The following AAGAB variants were observed in gnomAD, a reference collection of about 807,000 sequenced individuals.
AAGAB encodes alpha- and gamma-adaptin-binding protein p34.
AAGAB carries 38 observed loss-of-function variants against 44.1 expected under a neutral mutation model. That is an observed-to-expected ratio of 0.86 (90% CI 0.67 to 1.13). The LOEUF (loss-of-function observed/expected upper bound fraction) is 1.13. Ranked by LOEUF, AAGAB falls within the 50% of genes most tolerant of loss-of-function variation. The pLI, the probability that AAGAB is intolerant of heterozygous loss-of-function variation, is 0.00. For synonymous variants in AAGAB, 131 were observed against 131.8 expected (o/e 0.99, Z 0.04); for missense variants, 450 against 373.8 (o/e 1.20, Z -1.68).
intron 5 of AAGAB, among the ~76,000 whole-genome samples, chr15:67,223,112 T>A (rs1342452349): frequency 6.6e-6 from 1 of 152,236 alleles, no homozygotes; most frequent in African/African-American, 2.4e-5. Flanking sequence ...TCTCCTTTAC[T>A]GGTTCCTTCT....
At chr15:67,208,735 T>G in intron 6 of AAGAB, 77 bp from the exon 7 acceptor site, 2 of 1,302,712 alleles carry the variant, frequency 1.5e-6, no homozygotes, top group Non-Finnish European at 2.2e-6. Flanking sequence ...GCTCACACTT[T>G]CAGTCCTTGG....
At chr15:67,203,438 G>T in intron 9 of AAGAB, 110 bp downstream of exon 9, 1 of 920,474 alleles carries the variant, frequency 1.1e-6, no homozygotes, top group South Asian at 1.6e-5. Context: ...AATATTCAAT[G>T]AAAAGCTCAC....
rs760969944 is a variant in AAGAB at position 67,200,948 on chromosome 15, C to A, written c.*1873G>T. ...CCACTATTCACTATATATGTCTAAT[C>A]CAATGAAGGATATAGGGCTTCCCTC... is the stretch of plus-strand genomic sequence containing the variant. On this transcript the variant is annotated 3_prime_UTR_variant, in exon 10 of 10. Transcript: ENST00000261880. The A allele has an allele frequency of 6.6e-6, 1 of 152,310 alleles. No homozygotes were observed. The highest frequency in any genetic ancestry group is 2.4e-5 in the African/African-American group (1 of 41,432). 9.4% of individuals were successfully genotyped at this position (152,310 alleles called of 1,614,324 possible).
chr15:67,248,595 C>T (rs1244845302), intron 1 of AAGAB, among the ~76,000 whole-genome samples: 3 of 152,212 alleles, frequency 2.0e-5, no homozygotes, highest in Non-Finnish European at 4.4e-5. Flanking sequence ...AGCACAATAG[C>T]CTCTACCTTT....
intron 3 of AAGAB, 125 bp downstream of exon 3, chr15:67,236,283 A>C: frequency 1.9e-6 from 2 of 1,030,996 alleles, no homozygotes; most frequent in Non-Finnish European, 2.8e-6. Context: ...AAATAGCTGA[A>C]AATATTTTCA....
intron 5 of AAGAB, among the ~76,000 whole-genome samples, chr15:67,224,742 A>C (rs1964164475): frequency 6.6e-6 from 1 of 151,848 alleles, no homozygotes; most frequent in African/African-American, 2.4e-5. Flanking sequence ...CACCACGCCT[A>C]GCTAACTTTT....
chr15:67,241,909 A>C (rs998500507), intron 1 of AAGAB, among the ~76,000 whole-genome samples: 2 of 151,638 alleles, frequency 1.3e-5, no homozygotes, highest in Admixed American at 1.3e-4. Flanking sequence ...ACCCCAGACC[A>C]CCCCCTAAAA....
At chr15:67,202,962 ATACCT>A in intron 9 of AAGAB, 64 bp from the exon 10 acceptor site, 1 of 1,504,248 alleles carries the variant, frequency 6.6e-7, no homozygotes, top group Non-Finnish European at 9.3e-7. Flanking sequence ...TTCATATGTC[ATACCT>A]TAAACTGACT....
At chr15:67,208,741 C>CTTGGT in intron 6 of AAGAB, 83 bp from the exon 7 acceptor site, 2 of 1,192,856 alleles carry the variant, frequency 1.7e-6, no homozygotes, top group Non-Finnish European at 2.4e-6. Context: ...ACTTTCAGTC[C>CTTGGT]TTGGTTGGCT....
At chr15:67,246,981 T>C (rs1207716261) in intron 1 of AAGAB, among the ~76,000 whole-genome samples, 1 of 152,212 alleles carries the variant, frequency 6.6e-6, no homozygotes, top group Admixed American at 6.5e-5. Context: ...ACAATAAATC[T>C]TGCTGCTGCT....
chr15:67,229,427 C>T (rs1469466299), intron 5 of AAGAB, among the ~76,000 whole-genome samples: 6 of 143,890 alleles, frequency 4.2e-5, no homozygotes, highest in South Asian at 2.2e-4. Flanking sequence ...AGCGAGAGTC[C>T]GTCTTAAAAA....
At chr15:67,205,857 T>G (rs1963673079) in intron 7 of AAGAB, among the ~76,000 whole-genome samples, 1 of 151,012 alleles carries the variant, frequency 6.6e-6, no homozygotes, top group Non-Finnish European at 1.5e-5. Flanking sequence ...TTTGTTGATT[T>G]GGTTTTGCCT....
chr15:67,241,062 C>CACAT (rs1964586713), intron 1 of AAGAB, among the ~76,000 whole-genome samples: 1 of 151,836 alleles, frequency 6.6e-6, no homozygotes, highest in Non-Finnish European at 1.5e-5. Context: ...CACACACACA[C>CACAT]ACACACACAT....
At chr15:67,243,658 C>A (rs11071943) in intron 1 of AAGAB, among the ~76,000 whole-genome samples, 45,176 of 152,012 alleles carry the variant, frequency 0.3, 6,915 homozygotes, top group South Asian at 0.37. Flanking sequence ...AGCTGAGATA[C>A]CCTGATCTAC....
chr15:67,216,545 T>TC (rs1963955461), intron 5 of AAGAB, among the ~76,000 whole-genome samples: 3 of 150,440 alleles, frequency 2.0e-5, no homozygotes, highest in African/African-American at 7.3e-5. Flanking sequence ...TTTTTTTTTT[T>TC]CCCTATGCAC....
At chr15:67,207,958 C>T (rs771219414) in intron 7 of AAGAB, among the ~76,000 whole-genome samples, 23 of 152,052 alleles carry the variant, frequency 1.5e-4, no homozygotes, top group Non-Finnish European at 2.6e-4. Context: ...GCACATGAGC[C>T]GTCTGTAGCA....
intron 1 of AAGAB, among the ~76,000 whole-genome samples, chr15:67,241,063 ACACACAC>A (rs1463996786): frequency 1.6e-4 from 25 of 151,770 alleles, no homozygotes; most frequent in Non-Finnish European, 1.5e-4. Flanking sequence ...ACACACACAC[ACACACAC>A]ATTTTATCTA....
intron 7 of AAGAB, among the ~76,000 whole-genome samples, 197 bp downstream of exon 7, chr15:67,208,365 A>G (rs1446455991): frequency 6.6e-6 from 1 of 152,328 alleles, no homozygotes; most frequent in East Asian, 1.9e-4. Flanking sequence ...AGAAAATGGT[A>G]CCCACATATT....
intron 1 of AAGAB, among the ~76,000 whole-genome samples, chr15:67,240,504 G>A (rs1044412489): frequency 6.6e-6 from 1 of 152,164 alleles, no homozygotes; most frequent in South Asian, 2.1e-4. Context: ...TGCCAGGTCT[G>A]TTACTACAAA....
Sources: allele counts gnomAD v4.1 joint callset (sites outside exome capture counted in the v4.1 genomes callset), GRCh38; gene constraint gnomAD v4.1.1; transcripts MANE v1.5; gene names NCBI Gene and HGNC (gene_info 2026-07-23, HGNC 2026-07-21).